Variants in AFF2 observed in about 807,000 individuals in gnomAD.
The protein encoded by AFF2 is ALF transcription elongation factor 2.
Under a neutral mutation model 76.9 loss-of-function variants are expected in AFF2, and 14 were observed. The ratio of observed to expected loss-of-function variants is 0.18; its 90% CI spans 0.12 to 0.28. The LOEUF is 0.28. Ranked by LOEUF, AFF2 falls within the 10% of genes least tolerant of loss-of-function variation. The pLI, the probability that AFF2 is intolerant of heterozygous loss-of-function variation, is 1.00. For synonymous variants in AFF2, 398 were observed against 366.7 expected (o/e 1.09, Z -0.98); for missense variants, 868 against 1,001.1 (o/e 0.87, Z 1.79).
intron 3 of AFF2, among the ~76,000 whole-genome samples, chrX:148,688,725 C>T (rs1465533787): frequency 9.0e-6 from 1 of 110,710 alleles, no homozygotes; most frequent in Non-Finnish European, 1.9e-5. Flanking sequence ...TGCACTTACA[C>T]AAACCTAGAT....
At chrX:148,628,060 G>A (rs782414791) in intron 1 of AFF2, among the ~76,000 whole-genome samples, 7 of 111,223 alleles carry the variant, frequency 6.3e-5, no homozygotes, top group Non-Finnish European at 1.1e-4. Flanking sequence ...AGCCAAAGGT[G>A]GGAAAGGAGA....
At chrX:148,942,412 A>G (rs1274088388) in intron 9 of AFF2, among the ~76,000 whole-genome samples, 5 of 111,722 alleles carry the variant, frequency 4.5e-5, no homozygotes, top group African/African-American at 1.3e-4. Context: ...GTCATTGTGA[A>G]TTCTGAAATA....
chrX:148,696,307 G>C (rs1236063019), intron 3 of AFF2, among the ~76,000 whole-genome samples: 1 of 109,413 alleles, frequency 9.1e-6, no homozygotes, highest in Admixed American at 9.9e-5. Flanking sequence ...TGTGGGGTGG[G>C]GGGAGAGGGG....
At chrX:148,734,696 T>A (rs1309631924) in intron 3 of AFF2, among the ~76,000 whole-genome samples, 2 of 111,729 alleles carry the variant, frequency 1.8e-5, no homozygotes, top group African/African-American at 6.5e-5. Context: ...TGAATAAGAG[T>A]CCCCCTTCCT....
At chrX:148,634,178 T>A (rs2054006490) in intron 1 of AFF2, among the ~76,000 whole-genome samples, 1 of 112,191 alleles carries the variant, frequency 8.9e-6, no homozygotes, top group African/African-American at 3.2e-5. Context: ...TGAACTACAA[T>A]AAAGTGTTTC....
At chrX:148,694,120 G>A (rs782291771) in intron 3 of AFF2, among the ~76,000 whole-genome samples, 1 of 97,909 alleles carries the variant, frequency 1.0e-5, no homozygotes, top group African/African-American at 3.8e-5. Context: ...ACTGAACAAT[G>A]AGAACACATG....
At chrX:148,532,326 T>C (rs1476532618) in intron 1 of AFF2, among the ~76,000 whole-genome samples, 6 of 112,234 alleles carry the variant, frequency 5.3e-5, no homozygotes, top group African/African-American at 1.9e-4. Context: ...AATGTTGGAC[T>C]GACACAGACT....
rs1399848201 is a variant in AFF2 at position 148,971,733 on chromosome X, T to A, written c.3268-1738T>A. Among the ~76,000 whole-genome samples the A allele has an allele frequency of 3.4e-5, 3 of 87,356 alleles. No homozygotes were observed. The East Asian group carries it at 1.1e-3, about 33-fold the overall frequency. 75.9% of individuals were successfully genotyped at this position (87,356 alleles called of 115,157 possible). ...AGGCTTTTTCAATCCTAGAAAATATTTTTTTTTCTATTTCTTTTTTTTTTT... is the reference window on the plus strand; with the variant it reads ...AGGCTTTTTCAATCCTAGAAAATATATTTTTTTCTATTTCTTTTTTTTTTT... On this transcript the variant is annotated intron_variant, in intron 15 of 20. Coordinates refer to ENST00000370460, the MANE Select transcript of AFF2 (RefSeq NM_002025.4).
intron 1 of AFF2, among the ~76,000 whole-genome samples, chrX:148,632,225 C>G (rs1304948850): frequency 8.9e-6 from 1 of 112,173 alleles, no homozygotes; most frequent in Non-Finnish European, 1.9e-5. Flanking sequence ...GTTTGCATTT[C>G]TTAAATTGGT....
intron 3 of AFF2, among the ~76,000 whole-genome samples, chrX:148,717,182 C>T (rs782431351): frequency 5.2e-4 from 58 of 111,682 alleles, no homozygotes; most frequent in African/African-American, 1.9e-3. Flanking sequence ...AATGGACAAA[C>T]GAATACACAA....
chrX:148,728,247 C>A (rs1277427009), intron 3 of AFF2, among the ~76,000 whole-genome samples: 1 of 112,429 alleles, frequency 8.9e-6, no homozygotes, highest in Non-Finnish European at 1.9e-5. Flanking sequence ...TTAAAGAAAT[C>A]TCTGCTGTCT....
At chrX:148,637,894 T>G (rs2054048358) in intron 1 of AFF2, among the ~76,000 whole-genome samples, 1 of 110,267 alleles carries the variant, frequency 9.1e-6, no homozygotes, top group African/African-American at 3.3e-5. Context: ...ATAACTGGGG[T>G]TTTTTTTCTT....
In AFF2 at chrX:148,576,859, T is replaced by G. The variant is rs782099238; in HGVS notation, c.48-75140T>G. Among the ~76,000 whole-genome samples the G allele has an allele frequency of 4.5e-5, 5 of 110,817 alleles. No individual in the cohort carries two copies. The South Asian group carries it at 1.9e-3, about 42-fold the overall frequency. On this transcript the variant is annotated intron_variant, in intron 1 of 20. Transcript: ENST00000370460. ...ATCCTTGCTTCATAATACAATTATT[T>G]TTATATTTTTGTGTTTGAATTGCTT...
At position 148,653,483 on chromosome X, in the gene AFF2, C is replaced by T. The variant is rs377359081; in HGVS notation, c.180+1352C>T. On this transcript the variant is annotated intron_variant, in intron 2 of 20. Coordinates refer to ENST00000370460, the MANE Select transcript of AFF2 (RefSeq NM_002025.4). ...AGAGAGATAGCAAGGGACAGATCAGCGAAGACTTTGTATTCAAACTCATTA... is the reference window on the plus strand; with the variant it reads ...AGAGAGATAGCAAGGGACAGATCAGTGAAGACTTTGTATTCAAACTCATTA... Among the ~76,000 whole-genome samples the T allele has an allele frequency of 4.5e-5, 5 of 110,932 alleles. No homozygotes were observed. The South Asian group carries it at 1.1e-3, about 25-fold the overall frequency.
At chrX:148,969,713 A>G (rs1444215265) in intron 15 of AFF2, among the ~76,000 whole-genome samples, 3 of 111,527 alleles carry the variant, frequency 2.7e-5, no homozygotes, top group Non-Finnish European at 5.7e-5. Flanking sequence ...ATGGATGCAG[A>G]ACCCACGGAT....
At chrX:148,866,486 A>G (rs2070908910) in intron 7 of AFF2, among the ~76,000 whole-genome samples, 1 of 112,661 alleles carries the variant, frequency 8.9e-6, no homozygotes, top group African/African-American at 3.2e-5. Flanking sequence ...GCTGTGCAAT[A>G]CATCTTTTCA....
At chrX:148,937,878 A>T (rs1022084252) in intron 9 of AFF2, among the ~76,000 whole-genome samples, 2 of 112,618 alleles carry the variant, frequency 1.8e-5, no homozygotes, top group Admixed American at 9.4e-5. Flanking sequence ...TAAAATTTGT[A>T]TGAAAAAGTC....
rs1029061002 is a variant in AFF2 at position 148,504,689 on chromosome X, C to G, written c.47+3545C>G. Among the ~76,000 whole-genome samples, 3 of 113,117 alleles carry G rather than the reference C, an allele frequency of 2.7e-5. No individual in the cohort carries two copies. The East Asian group carries it at 8.4e-4, about 32-fold the overall frequency. Reference sequence around the variant, plus strand: ...GCCCCCAGGGCCTGCCCCAGCAGTCCGAACTGCACTTTCCCCAGTTTTCTT... The same window carrying G: ...GCCCCCAGGGCCTGCCCCAGCAGTCGGAACTGCACTTTCCCCAGTTTTCTT... On this transcript the variant is annotated intron_variant, in intron 1 of 20. Coordinates refer to ENST00000370460, the MANE Select transcript of AFF2 (RefSeq NM_002025.4).
intron 7 of AFF2, among the ~76,000 whole-genome samples, chrX:148,878,586 A>G (rs1417613321): frequency 1.1e-4 from 12 of 112,142 alleles, no homozygotes; most frequent in African/African-American, 3.9e-4. Flanking sequence ...GTATGACTCA[A>G]AGGAAATTCT....
Sources: allele counts gnomAD v4.1 joint callset (sites outside exome capture counted in the v4.1 genomes callset), GRCh38; gene constraint gnomAD v4.1.1; transcripts MANE v1.5; gene names NCBI Gene and HGNC (gene_info 2026-07-23, HGNC 2026-07-21).